The following NRG1 variants were observed in gnomAD, a reference collection of about 807,000 sequenced individuals.
The protein encoded by NRG1 is pro-neuregulin-1, membrane-bound isoform.
Under a neutral mutation model 63.8 loss-of-function variants are expected in NRG1, and 18 were observed. That is an observed-to-expected ratio of 0.28 (90% CI 0.19 to 0.42). The LOEUF is 0.42. Ranked by LOEUF, NRG1 falls within the 10% of genes least tolerant of loss-of-function variation. The pLI, the probability that NRG1 is intolerant of heterozygous loss-of-function variation, is 1.00. For missense variants in NRG1, 762 were observed against 814.7 expected (o/e 0.94, Z 0.79); for synonymous variants, 302 against 301.3 (o/e 1.00, Z -0.02).
intron 1 of NRG1, among the ~76,000 whole-genome samples, chr8:31,727,785 A>T (rs1813596885): frequency 6.6e-6 from 1 of 152,180 alleles, no homozygotes; most frequent in African/African-American, 2.4e-5. Flanking sequence ...GATAAAGTTT[A>T]ATTTATAAAT....
intron 5 of NRG1, among the ~76,000 whole-genome samples, chr8:32,619,344 G>T (rs2129542224): frequency 6.6e-6 from 1 of 152,310 alleles, no homozygotes; most frequent in Admixed American, 6.5e-5. Context: ...AAGGAGCCCT[G>T]TGGGGTTGGA....
chr8:31,939,899 G>A (rs968521402), intron 1 of NRG1, among the ~76,000 whole-genome samples: 5 of 151,986 alleles, frequency 3.3e-5, no homozygotes, highest in Admixed American at 6.6e-5. Flanking sequence ...CCTAACACTG[G>A]AGCACCCAAA....
At chr8:31,997,182 A>C (rs901885335) in intron 1 of NRG1, among the ~76,000 whole-genome samples, 8 of 95,520 alleles carry the variant, frequency 8.4e-5, no homozygotes, top group African/African-American at 2.9e-4. Context: ...ATATAGTGTA[A>C]CCTTTTTTTT....
At chr8:32,194,924 A>T (rs929219581) in intron 1 of NRG1, among the ~76,000 whole-genome samples, 1 of 152,222 alleles carries the variant, frequency 6.6e-6, no homozygotes, top group Admixed American at 6.5e-5. Flanking sequence ...ATTTCTAAAT[A>T]TGCTGATAAA....
chr8:32,316,493 A>T (rs1857411069), intron 1 of NRG1, among the ~76,000 whole-genome samples: 1 of 147,434 alleles, frequency 6.8e-6, no homozygotes, highest in Non-Finnish European at 1.5e-5. Context: ...AAAAAAAAAG[A>T]ATCCTAAGGA....
chr8:32,559,256 A>AAAAAAAAAAAAAAAAAAAAAAAAAC (rs1393676483), intron 1 of NRG1, among the ~76,000 whole-genome samples: 1 of 150,448 alleles, frequency 6.6e-6, no homozygotes, highest in African/African-American at 2.4e-5. Flanking sequence ...AAAAAAAAAA[A>AAAAAAAAAAAAAAAAAAAAAAAAAC]AAAAAAATCA....
chr8:32,205,434 G>A (rs1425018542), intron 1 of NRG1, among the ~76,000 whole-genome samples: 3 of 152,044 alleles, frequency 2.0e-5, no homozygotes, highest in Non-Finnish European at 2.9e-5. Flanking sequence ...GTTTCAATCA[G>A]AAATTTGAGA....
chr8:32,209,002 C>A (rs1437242224), intron 1 of NRG1, among the ~76,000 whole-genome samples: 1 of 152,064 alleles, frequency 6.6e-6, no homozygotes, highest in Non-Finnish European at 1.5e-5. Context: ...AGATTAAGAT[C>A]ATGGGCTTTT....
chr8:32,377,610 G>A (rs577283331), intron 1 of NRG1, among the ~76,000 whole-genome samples: 1 of 152,240 alleles, frequency 6.6e-6, no homozygotes, highest in South Asian at 2.1e-4. Flanking sequence ...AGGATTTGTA[G>A]TTACCTGTTG....
At chr8:32,621,269 T>C (rs1170492909) in intron 5 of NRG1, among the ~76,000 whole-genome samples, 3 of 152,222 alleles carry the variant, frequency 2.0e-5, no homozygotes, top group African/African-American at 7.2e-5. Context: ...TATTTTCTTT[T>C]GTTTTTTGTA....
intron 9 of NRG1, among the ~76,000 whole-genome samples, chr8:32,756,869 A>G (rs1412345556): frequency 6.6e-6 from 1 of 152,230 alleles, no homozygotes; most frequent in African/African-American, 2.4e-5. Flanking sequence ...GTTTTCATAT[A>G]TAACTTGGAA....
intron 1 of NRG1, among the ~76,000 whole-genome samples, chr8:31,777,720 G>A (rs906270317): frequency 1.3e-5 from 2 of 152,156 alleles, no homozygotes; most frequent in South Asian, 2.1e-4. Flanking sequence ...ATGGCAGAAG[G>A]AAAAAGGAAC....
chr8:32,005,428 G>C (rs1054640684), intron 1 of NRG1, among the ~76,000 whole-genome samples: 1 of 151,956 alleles, frequency 6.6e-6, no homozygotes, highest in African/African-American at 2.4e-5. Flanking sequence ...AAAAGGTTTA[G>C]ATTGGTCAAG....
intron 1 of NRG1, among the ~76,000 whole-genome samples, chr8:32,496,580 A>T (rs1827224021): frequency 7.1e-6 from 1 of 140,966 alleles, no homozygotes; most frequent in African/African-American, 2.7e-5. Flanking sequence ...ACAGAGTAAG[A>T]CCCTGTCTCA....
At chr8:31,783,015 C>A (rs1243331868) in intron 1 of NRG1, among the ~76,000 whole-genome samples, 1 of 152,116 alleles carries the variant, frequency 6.6e-6, no homozygotes, top group Non-Finnish European at 1.5e-5. Flanking sequence ...TACCAATGAA[C>A]AGATCATTTA....
chr8:32,567,356 C>T (rs1253424180), intron 1 of NRG1, among the ~76,000 whole-genome samples: 1 of 152,164 alleles, frequency 6.6e-6, no homozygotes, highest in Non-Finnish European at 1.5e-5. Flanking sequence ...GTAAATCTCA[C>T]TGAATGCAGT....
intron 1 of NRG1, among the ~76,000 whole-genome samples, chr8:31,817,173 C>G (rs1251693216): frequency 6.6e-6 from 1 of 152,204 alleles, no homozygotes; most frequent in Non-Finnish European, 1.5e-5. Flanking sequence ...AAAATGACAA[C>G]AATGAAACTG....
At chr8:32,604,631 G>A (rs1403870604) in intron 2 of NRG1, among the ~76,000 whole-genome samples, 1 of 152,070 alleles carries the variant, frequency 6.6e-6, no homozygotes, top group Non-Finnish European at 1.5e-5. Context: ...TCACCAGCAT[G>A]ATCATGGCAC....
intron 1 of NRG1, among the ~76,000 whole-genome samples, chr8:32,074,873 A>G (rs1826259132): frequency 6.6e-6 from 1 of 152,246 alleles, no homozygotes; most frequent in Non-Finnish European, 1.5e-5. Flanking sequence ...TGAACAATCA[A>G]GTGACCTAAC....
Sources: gnomAD v4.1 joint callset for allele counts (sites outside exome capture counted in the v4.1 genomes callset) on GRCh38, gnomAD v4.1.1 for gene constraint, MANE v1.5 for transcripts, NCBI Gene and HGNC (gene_info 2026-07-23, HGNC 2026-07-21) for gene names.